Variants in PXK observed in about 807,000 individuals in gnomAD.
PXK encodes the protein PX domain containing serine/threonine kinase like.
In PXK, 35 loss-of-function variants were observed where a neutral mutation model predicts 84.7. The ratio of observed to expected loss-of-function variants is 0.41; its 90% CI spans 0.32 to 0.55. The LOEUF is 0.55. Among genes scored for constraint, PXK ranks in the 20% least tolerant of loss-of-function variants. The pLI, the probability that PXK is intolerant of heterozygous loss-of-function variation, is 0.21. For missense variants in PXK, 634 were observed against 699.7 expected, an observed-to-expected ratio of 0.91 and a Z score of 1.06; for synonymous variants, 253 against 260.8, an observed-to-expected ratio of 0.97 and a Z score of 0.29.
chr3:58,410,130 CA>C lies in PXK; in HGVS notation c.1437del (p.Ala480ArgfsTer65), dbSNP rs1276780163. On this transcript the variant is annotated frameshift_variant, in exon 16 of 18. Coordinates refer to ENST00000356151, the MANE Select transcript of PXK (RefSeq NM_017771.5). LOFTEE classifies it high-confidence loss of function. The part of the protein sequence containing the change: ...RSALENSEEH[S>X]AKYSNSNNSA... Reference sequence around the variant, plus strand: ...GCTCTTGAAAATAGTGAAGAGCATTCAGCGAAGTACAGCAACTCCAATAATT... The same window carrying C: ...GCTCTTGAAAATAGTGAAGAGCATTCGCGAAGTACAGCAACTCCAATAATT... 1.2e-6 allele frequency: 2 copies of C among 1,600,416 alleles called. No individual in the cohort carries two copies. The highest frequency in any genetic ancestry group is 2.2e-5 in the South Asian group (2 of 90,798).
chr3:58,365,505 T>C (rs1020757102), intron 1 of PXK, among the ~76,000 whole-genome samples: 1 of 152,238 alleles, frequency 6.6e-6, no homozygotes, highest in Admixed American at 6.5e-5. Flanking sequence ...TGTTGGCTGA[T>C]GGTATTGTTA....
rs574300508 is a variant in PXK, at chr3:58,416,963, T to C, written c.1528+4000T>C. Among the ~76,000 whole-genome samples, 55 of 152,274 alleles carry C rather than the reference T, an allele frequency of 3.6e-4. No individual in the cohort carries two copies. The highest frequency in any genetic ancestry group is 1.3e-3 in the African/African-American group (55 of 41,568). On this transcript the variant is annotated intron_variant, in intron 17 of 17. Coordinates refer to ENST00000356151, the MANE Select transcript of PXK (RefSeq NM_017771.5). The surrounding 1 kb of genome is among the most constrained non-coding windows in gnomAD (Gnocchi z 4.8). ...GGCTGGCCAGCCCATGCTTAGGCTG[T>C]TCTTCCTTGCAGAACTGGAGGTCGG...
At chr3:58,420,896 C>T (rs754685140) in intron 17 of PXK, 15 of 1,132,770 alleles carry the variant, frequency 1.3e-5, no homozygotes, top group African/African-American at 3.3e-5. Context: ...CTCAAAGTCC[C>T]GTTGCTGCAA....
At position 58,370,501 on chromosome 3, in the gene PXK, C is replaced by T. The variant is rs1379473077; in HGVS notation, c.201+1023C>T. 6.6e-6 allele frequency among the ~76,000 whole-genome samples: 1 copy of T among 152,136 alleles called. No homozygotes were observed. The highest frequency in any genetic ancestry group is 2.4e-5 in the African/African-American group (1 of 41,416). ...GATTGGTAACATAAAACCCTTTAAACCTGAGGAAGAGTGCACGGCTTATGA... is the reference window on the plus strand; with the variant it reads ...GATTGGTAACATAAAACCCTTTAAATCTGAGGAAGAGTGCACGGCTTATGA... On this transcript the variant is annotated intron_variant, in intron 3 of 17. Coordinates refer to ENST00000356151, the MANE Select transcript of PXK (RefSeq NM_017771.5). The surrounding 1 kb of genome is among the most constrained non-coding windows in gnomAD (Gnocchi z 4.2).
chr3:58,382,241 A>C (rs1204845543), intron 3 of PXK, among the ~76,000 whole-genome samples: 1 of 152,136 alleles, frequency 6.6e-6, no homozygotes, highest in East Asian at 1.9e-4. Context: ...TCTTGAAGTC[A>C]GGAGGTGGAG....
rs1371365000 is a variant in PXK at position 58,392,862 on chromosome 3, ATG to A, written c.615+1017_615+1018del. Among the ~76,000 whole-genome samples, 3 of 151,806 alleles carry A rather than the reference ATG, an allele frequency of 2.0e-5. No homozygotes were observed. The East Asian group carries it at 5.8e-4, about 30-fold the overall frequency. Reference sequence around the variant, plus strand: ...TTTTTAGTAGAGATGGGGTTTCACCATGTTGGCCGGGCAGATCTTGAACTCCT... The same window carrying A: ...TTTTTAGTAGAGATGGGGTTTCACCATTGGCCGGGCAGATCTTGAACTCCT... On this transcript the variant is annotated intron_variant, in intron 7 of 17. Coordinates refer to ENST00000356151, the MANE Select transcript of PXK (RefSeq NM_017771.5).
Position 58,397,165 on chromosome 3 carries a change from T to C in PXK, c.949T>C (p.Tyr317His). The change falls in exon 10 of 18, where the codon TAC (tyrosine) becomes CAC (histidine). Residue 317 changes from tyrosine (Y) to histidine (H), a missense_variant. By Grantham distance (83) the Tyr-to-His change is moderately conservative. This residue lies in a region of PXK where 353 missense variants were observed against 385.2 expected (regional missense o/e 0.92). Transcript: ENST00000356151. This position sits in a 1 kb window ranked among gnomAD's most constrained non-coding sequence, Gnocchi z 4.7. Reference protein sequence around the residue: ...ENSLLGLPSFYRSYFSQFRKI... With the variant: ...ENSLLGLPSFHRSYFSQFRKI... ...TTCCTTATTGGGCCTGCCTTCCTTC[T>C]ACCGATCTTATTTTTCACAATTCAG... is the stretch of plus-strand genomic sequence containing the variant. 1 of 1,614,202 alleles carries C rather than the reference T, an allele frequency of 6.2e-7. No homozygotes were observed. The highest frequency in any genetic ancestry group is 2.2e-5 in the East Asian group (1 of 44,884).
chr3:58,424,774 TC>T lies in PXK; in HGVS notation c.1553del (p.Pro518LeufsTer27), dbSNP rs772756932. 1.2e-5 allele frequency: 20 copies of T among 1,613,622 alleles called. No individual in the cohort carries two copies. The highest frequency in any genetic ancestry group is 1.6e-5 in the Non-Finnish European group (19 of 1,179,892). The part of the protein sequence containing the change: ...TSGISALPPP[P>X]PPPPPPAAPL... ...CAGGGATATCTGCATTACCTCCACCTCCTCCACCTCCACCACCACCAGCAGC... is the reference window on the plus strand; with the variant it reads ...CAGGGATATCTGCATTACCTCCACCTCTCCACCTCCACCACCACCAGCAGC... On this transcript the variant is annotated frameshift_variant, in exon 18 of 18. Transcript: ENST00000356151. LOFTEE classifies it high-confidence loss of function.
intron 1 of PXK, among the ~76,000 whole-genome samples, chr3:58,345,451 G>A (rs1247435900): frequency 1.3e-5 from 2 of 152,076 alleles, no homozygotes; most frequent in African/African-American, 4.8e-5. Context: ...TACAACTTAA[G>A]GCCCTGAGAA....
At position 58,395,007 on chromosome 3, in the gene PXK, A is replaced by C; in HGVS notation, c.625A>C (p.Ile209Leu). ...TTTTTTGTTTTGACAGCACCCTTAC[A>C]TCTATCGGGTTACCTTTGCCACAGC... ...KLLPSCLHPY[I>L]YRVTFATANE... Residue 209 changes from isoleucine (I) to leucine (L), a missense_variant, in exon 8 of 18, where the codon ATC becomes CTC. Ile to Leu is a conservative substitution (Grantham distance 5). Around this residue, in one of 3 missense-constraint regions of PXK, gnomAD observed 353 missense variants for 385.2 expected, o/e 0.92. Transcript: ENST00000356151. 6.2e-7 allele frequency: 1 copy of C among 1,611,960 alleles called. No homozygotes were observed. The highest frequency in any genetic ancestry group is 8.5e-7 in the Non-Finnish European group (1 of 1,178,098).
At chr3:58,354,896 A>G (rs1035161709) in intron 1 of PXK, among the ~76,000 whole-genome samples, 6 of 152,098 alleles carry the variant, frequency 3.9e-5, no homozygotes, top group Admixed American at 3.9e-4. Context: ...GGCAGGTGGG[A>G]TCACCTGAGG....
chr3:58,359,635 AC>A (rs912708315), intron 1 of PXK, among the ~76,000 whole-genome samples: 3 of 152,212 alleles, frequency 2.0e-5, no homozygotes, highest in Non-Finnish European at 2.9e-5. Flanking sequence ...CATAAAAAAA[AC>A]ATGTTTATGT....
intron 3 of PXK, among the ~76,000 whole-genome samples, chr3:58,376,712 T>C (rs2098446251): frequency 6.6e-6 from 1 of 152,130 alleles, no homozygotes; most frequent in Non-Finnish European, 1.5e-5. Flanking sequence ...CCATCGTGGC[T>C]CACTGCAACC....
At chr3:58,357,230 G>C (rs1216353461) in intron 1 of PXK, among the ~76,000 whole-genome samples, 1 of 151,644 alleles carries the variant, frequency 6.6e-6, no homozygotes, top group African/African-American at 2.4e-5. Flanking sequence ...AGTGAGCCGA[G>C]ATTGTGCGAC....
intron 17 of PXK, among the ~76,000 whole-genome samples, chr3:58,417,181 A>G (rs946897314): frequency 6.6e-6 from 1 of 152,194 alleles, no homozygotes; most frequent in South Asian, 2.1e-4. Flanking sequence ...CTGGGATTAT[A>G]GATGGGAGCC....
At chr3:58,339,865 A>G (rs1037380523) in intron 1 of PXK, among the ~76,000 whole-genome samples, 2 of 151,458 alleles carry the variant, frequency 1.3e-5, no homozygotes, top group African/African-American at 4.9e-5. Context: ...CCCAGGCTGG[A>G]GTGCAATGGC....
intron 1 of PXK, among the ~76,000 whole-genome samples, chr3:58,346,377 T>C (rs1328420813): frequency 4.6e-5 from 7 of 151,974 alleles, no homozygotes; most frequent in Non-Finnish European, 1.0e-4. Flanking sequence ...AGGCCACAGC[T>C]CAGGTCTATG....
intron 17 of PXK, among the ~76,000 whole-genome samples, chr3:58,417,316 T>G (rs575512693): frequency 6.6e-6 from 1 of 152,352 alleles, no homozygotes; most frequent in East Asian, 1.9e-4. Flanking sequence ...TTAGGTAAGT[T>G]GAATTCAGCA....
Position 58,382,492 on chromosome 3 carries a change from CTTTTT to C in PXK, c.202-9_202-5del. On this transcript the variant is annotated splice_polypyrimidine_tract_variant and intron_variant, in intron 3 of 17. Coordinates refer to ENST00000356151, the MANE Select transcript of PXK (RefSeq NM_017771.5). ...TTATTTGTGGATGACATGAGTGTAACTTTTTTTTTTTTTTTTTAAAGATTGCAGGC... is the reference window on the plus strand; with the variant it reads ...TTATTTGTGGATGACATGAGTGTAACTTTTTTTTTTTTAAAGATTGCAGGC... 6 of 1,281,250 alleles carry C rather than the reference CTTTTT, an allele frequency of 4.7e-6. No individual in the cohort carries two copies. The highest frequency in any genetic ancestry group is 3.2e-5 in the Admixed American group (1 of 31,418). The allele number at this position is 1,281,250 out of a possible 1,614,324, so 79.4% of individuals were successfully genotyped here. A position where few individuals can be genotyped will look rare whatever the true frequency, so the allele number is the denominator to read the frequency against.
Sources: gnomAD v4.1 joint callset for allele counts (sites outside exome capture counted in the v4.1 genomes callset) on GRCh38, gnomAD v4.1.1 for gene constraint, gnomAD v4.1.1 regional missense constraint, Gnocchi (gnomAD v3.1) non-coding constraint, MANE v1.5 for transcripts, NCBI Gene and HGNC (gene_info 2026-07-23, HGNC 2026-07-21) for gene names.